Variants in VASH2 observed in about 807,000 individuals in gnomAD.
The protein encoded by VASH2 is vasohibin 2.
A neutral mutation model predicts 37.2 loss-of-function variants in VASH2; 28 were observed. That is an observed-to-expected ratio of 0.75 (90% CI 0.56 to 1.03). The LOEUF (loss-of-function observed/expected upper bound fraction) is 1.03, where lower values mean the gene tolerates loss of function less well. VASH2 is among the 50% of genes least tolerant of loss of function. The probability of loss-of-function intolerance (pLI) is 0.00; values close to 1 mark genes in which losing one functional copy is unlikely to be tolerated. For missense variants in VASH2, 419 were observed against 459.1 expected, an observed-to-expected ratio of 0.91 and a Z score of 0.80; for synonymous variants, 188 against 174.7, an observed-to-expected ratio of 1.08 and a Z score of -0.60.
At chr1:212,953,506 G>A (rs1009023190) in intron 2 of VASH2, among the ~76,000 whole-genome samples, 3 of 152,172 alleles carry the variant, frequency 2.0e-5, no homozygotes, top group Non-Finnish European at 4.4e-5. Flanking sequence ...TCAGGGCAGA[G>A]CATTGTCAAC....
At chr1:212,956,784 T>A (rs546621444) in intron 2 of VASH2, among the ~76,000 whole-genome samples, 60 of 152,368 alleles carry the variant, frequency 3.9e-4, no homozygotes, top group African/African-American at 1.4e-3. Flanking sequence ...CTTAAACAAT[T>A]TTTTCAAGTA....
At chr1:212,968,612 T>C in intron 5 of VASH2, 1 of 985,454 alleles carries the variant, frequency 1.0e-6, no homozygotes, top group Non-Finnish European at 1.2e-6. Context: ...GTCATCCTCC[T>C]CCCTGTTTCC....
intron 7 of VASH2, among the ~76,000 whole-genome samples, chr1:212,976,863 T>A (rs970372721): frequency 1.3e-5 from 2 of 152,174 alleles, no homozygotes; most frequent in Non-Finnish European, 2.9e-5. Context: ...AAGGAAGACC[T>A]GCAGGAAGAG....
chr1:212,985,015 A>G (rs1451093401), intron 7 of VASH2, among the ~76,000 whole-genome samples: 1 of 152,068 alleles, frequency 6.6e-6, no homozygotes, highest in Non-Finnish European at 1.5e-5. Context: ...TAGCTTAAAC[A>G]TAATTCACTT....
intron 3 of VASH2, among the ~76,000 whole-genome samples, chr1:212,962,672 G>A (rs1028373142): frequency 1.3e-5 from 2 of 152,338 alleles, no homozygotes; most frequent in East Asian, 1.9e-4. Context: ...TGGCTTCTCT[G>A]TTTTCACTTC....
rs1030290845 is a variant in VASH2, at chr1:212,971,932, C to T, written c.498-648C>T. On this transcript the variant is annotated intron_variant, in intron 5 of 7. Transcript: ENST00000517399. The surrounding 1 kb of genome is among the most constrained non-coding windows in gnomAD (Gnocchi z 4.0). ...ATGCCAGGATGTGAGACACAACCCC[C>T]GCCCTCACAAGATACAAACAATTAC... Among the ~76,000 whole-genome samples the T allele has an allele frequency of 2.0e-5, 3 of 152,162 alleles. No individual in the cohort carries two copies. Among genetic ancestry groups the T allele is most frequent in the Non-Finnish European group, 2.9e-5 (2 of 68,020 alleles).
At chr1:212,967,594 T>A in intron 5 of VASH2, 4 of 330,020 alleles carry the variant, frequency 1.2e-5, no homozygotes, top group Non-Finnish European at 2.0e-5. Context: ...CATGCTTAGG[T>A]ATATGCTCTA....
chr1:212,961,434 A>C, intron 3 of VASH2, 180 bp downstream of exon 3: 2 of 1,372,180 alleles, frequency 1.5e-6, no homozygotes, highest in Non-Finnish European at 1.9e-6. Flanking sequence ...TTGTCATTGC[A>C]GTGACCCAGT....
chr1:212,964,922 GTT>G (rs754917916), intron 3 of VASH2, among the ~76,000 whole-genome samples: 22 of 138,014 alleles, frequency 1.6e-4, no homozygotes, highest in African/African-American at 1.9e-4. Flanking sequence ...TTTCTGCCAG[GTT>G]TTTTTTTTTT....
Position 212,951,399 on chromosome 1 carries a change from CCTG to C in VASH2, c.-142_-140del. 3 of 311,360 alleles carry C rather than the reference CCTG, an allele frequency of 9.6e-6. No homozygotes were observed. Among genetic ancestry groups the C allele is most frequent in the Non-Finnish European group, 1.4e-5 (3 of 211,030 alleles). 19.3% of individuals were successfully genotyped at this position (311,360 alleles called of 1,614,324 possible). On this transcript the variant is annotated 5_prime_UTR_variant, in exon 2 of 8. Transcript: ENST00000517399. This position sits in a 1 kb window ranked among gnomAD's most constrained non-coding sequence, Gnocchi z 4.4. Reference sequence around the variant, plus strand: ...CCGCCGCCGCTCCCCCTTGGTGAGTCCTGCCGCAGCGAGAGGCATGGAGAAGGC... The same window carrying C: ...CCGCCGCCGCTCCCCCTTGGTGAGTCCCGCAGCGAGAGGCATGGAGAAGGC...
In VASH2 at chr1:212,971,455, T is replaced by C. The variant is rs897465714; in HGVS notation, c.498-1125T>C. Among the ~76,000 whole-genome samples, 3 of 152,216 alleles carry C rather than the reference T, an allele frequency of 2.0e-5. No individual in the cohort carries two copies. Among genetic ancestry groups the C allele is most frequent in the Admixed American group, 6.5e-5 (1 of 15,286 alleles). On this transcript the variant is annotated intron_variant, in intron 5 of 7. Coordinates refer to ENST00000517399, the MANE Select transcript of VASH2 (RefSeq NM_001301056.2). This position sits in a 1 kb window ranked among gnomAD's most constrained non-coding sequence, Gnocchi z 4.0. Reference sequence around the variant, plus strand: ...GTTCTTATCTTTGGCTCCACAGCCCTACCTGGCAGGCTGTCGGGCACAGCA... The same window carrying C: ...GTTCTTATCTTTGGCTCCACAGCCCCACCTGGCAGGCTGTCGGGCACAGCA...
intron 2 of VASH2, chr1:212,952,697 G>C (rs1379455690): frequency 2.0e-5 from 3 of 152,272 alleles, no homozygotes; most frequent in African/African-American, 7.2e-5. Context: ...GAGCCTCGGG[G>C]TTATAGCGTG....
At chr1:212,987,514 C>CAGTGAGCCAAGAT (rs1667515696) in intron 7 of VASH2, among the ~76,000 whole-genome samples, 1 of 152,160 alleles carries the variant, frequency 6.6e-6, no homozygotes, top group Non-Finnish European at 1.5e-5. Context: ...GCAGAGGTTG[C>CAGTGAGCCAAGAT]AGTGAGCCAA....
At chr1:212,984,383 C>G (rs1228025169) in intron 7 of VASH2, among the ~76,000 whole-genome samples, 1 of 152,126 alleles carries the variant, frequency 6.6e-6, no homozygotes, top group Admixed American at 6.5e-5. Context: ...CTGCAGTGAT[C>G]CCAGTGAGCC....
intron 3 of VASH2, among the ~76,000 whole-genome samples, chr1:212,964,252 C>G (rs1186148843): frequency 6.6e-6 from 1 of 152,184 alleles, no homozygotes; most frequent in Non-Finnish European, 1.5e-5. Context: ...GTGCTCGTGT[C>G]TGAGTGACCA....
chr1:212,972,752 A>G lies in VASH2; in HGVS notation c.670A>G (p.Thr224Ala), dbSNP rs1412504172. The change falls in exon 6 of 8, where the codon ACT (threonine) becomes GCT (alanine). Residue 224 changes from threonine (T) to alanine (A), a missense_variant. Thr to Ala is a moderately conservative substitution (Grantham distance 58, BLOSUM62 0). Coordinates refer to ENST00000517399, the MANE Select transcript of VASH2 (RefSeq NM_001301056.2). ...ELMDKPLTFR[T>A]LSDLIFDFED... ...GATGGACAAGCCATTGACTTTTCGG[A>G]CTCTGAGTGACCTCATCTTTGACTT... 6.2e-7 allele frequency: 1 copy of G among 1,613,974 alleles called. No individual in the cohort carries two copies. The highest frequency in any genetic ancestry group is 1.3e-5 in the African/African-American group (1 of 74,884).
In VASH2 at chr1:212,969,927, C is replaced by T. The variant is rs1666959288; in HGVS notation, c.498-2653C>T. Among the ~76,000 whole-genome samples, 3 of 152,136 alleles carry T rather than the reference C, an allele frequency of 2.0e-5. No individual in the cohort carries two copies. In the South Asian group the frequency reaches 6.2e-4, roughly 32 times the overall value. On this transcript the variant is annotated intron_variant, in intron 5 of 7. Coordinates refer to ENST00000517399, the MANE Select transcript of VASH2 (RefSeq NM_001301056.2). ...GCCCAGAGTTCAGGATTCATTAGTTCTGAGCCACTTCTTTTTATCTTGCTT... is the reference window on the plus strand; with the variant it reads ...GCCCAGAGTTCAGGATTCATTAGTTTTGAGCCACTTCTTTTTATCTTGCTT...
At position 212,973,970 on chromosome 1, in the gene VASH2, A is replaced by G; in HGVS notation, c.895A>G (p.Ser299Gly). ...TCTCCTTCAGATCCTGAAACCTGCA[A>G]GTGCCCACTCTCCGACCCAAGTGAG... Reference protein sequence around the residue: ...DMRMKILKPASAHSPTQVRSR... With the variant: ...DMRMKILKPAGAHSPTQVRSR... The change falls in exon 7 of 8, where the codon AGT becomes GGT. Residue 299 changes from serine (S) to glycine (G), a missense_variant. Physicochemically the swap from Ser to Gly is moderately conservative, Grantham distance 56 (BLOSUM62 0). Transcript: ENST00000517399. The G allele has an allele frequency of 6.2e-7, 1 of 1,613,694 alleles. No homozygotes were observed. The highest frequency in any genetic ancestry group is 8.5e-7 in the Non-Finnish European group (1 of 1,179,860).
chr1:212,977,899 C>T (rs1667225764), intron 7 of VASH2, among the ~76,000 whole-genome samples: 1 of 152,198 alleles, frequency 6.6e-6, no homozygotes, highest in South Asian at 2.1e-4. Context: ...AGCCGCAGGC[C>T]TCCACCTGTG....
Sources: allele counts gnomAD v4.1 joint callset (sites outside exome capture counted in the v4.1 genomes callset), GRCh38; gene constraint gnomAD v4.1.1; non-coding constraint Gnocchi (gnomAD v3.1); transcripts MANE v1.5; gene names NCBI Gene and HGNC (gene_info 2026-07-23, HGNC 2026-07-21).